The following PPARGC1A variants were observed in gnomAD, a reference collection of about 807,000 sequenced individuals.
The protein encoded by PPARGC1A is PPARG coactivator 1 alpha.
PPARGC1A carries 25 observed loss-of-function variants against 88.7 expected under a neutral mutation model. The ratio of observed to expected loss-of-function variants is 0.28; its 90% CI spans 0.21 to 0.39. The LOEUF (loss-of-function observed/expected upper bound fraction) is 0.39, where lower values mean the gene tolerates loss of function less well. Among genes scored for constraint, PPARGC1A ranks in the 10% least tolerant of loss-of-function variants. The pLI is 1.00. For synonymous variants in PPARGC1A, 363 were observed against 355.6 expected (o/e 1.02, Z -0.24); for missense variants, 880 against 968.7 (o/e 0.91, Z 1.22).
chr4:24,055,233 C>T, the PPARGC1A span, among the ~76,000 whole-genome samples: 2 of 152,330 alleles, frequency 1.3e-5, no homozygotes, highest in Admixed American at 6.5e-5. Context: ...TGTGAAACCA[C>T]AGTTCTGTTT....
the PPARGC1A span, among the ~76,000 whole-genome samples, chr4:24,175,037 A>T: frequency 1.3e-5 from 2 of 152,174 alleles, no homozygotes; most frequent in African/African-American, 4.8e-5. Context: ...CTAGTGTATA[A>T]CTTTCTAAAA....
the PPARGC1A span, among the ~76,000 whole-genome samples, chr4:23,982,241 T>C: frequency 3.2e-3 from 494 of 152,228 alleles, 2 homozygotes; most frequent in African/African-American, 0.011. Flanking sequence ...AAAAGAAAAG[T>C]TTGTTTCACA....
At chr4:23,907,758 C>T (rs548754231), upstream of PPARGC1A, among the ~76,000 whole-genome samples, 1 of 151,930 alleles carries the variant, frequency 6.6e-6, no homozygotes, top group Non-Finnish European at 1.5e-5. Context: ...CTTCAGTTAG[C>T]TTTCTGTTCT....
chr4:24,102,354 G>A, the PPARGC1A span, among the ~76,000 whole-genome samples: 1 of 151,922 alleles, frequency 6.6e-6, no homozygotes, highest in South Asian at 2.1e-4. Context: ...CAACAGTGAT[G>A]TCCACACAGA....
chr4:24,064,302 T>C, the PPARGC1A span, among the ~76,000 whole-genome samples: 3 of 152,194 alleles, frequency 2.0e-5, no homozygotes, highest in African/African-American at 7.2e-5. Flanking sequence ...AGTGGGTGCC[T>C]GTACACCCCT....
the PPARGC1A span, among the ~76,000 whole-genome samples, chr4:24,226,149 A>G: frequency 6.6e-6 from 1 of 152,112 alleles, no homozygotes; most frequent in Non-Finnish European, 1.5e-5. Context: ...GCCGCCTGAC[A>G]CTAAATACCA....
At chr4:24,294,620 A>G in the PPARGC1A span, among the ~76,000 whole-genome samples, 8 of 152,162 alleles carry the variant, frequency 5.3e-5, no homozygotes, top group Non-Finnish European at 8.8e-5. Flanking sequence ...GCTGTGGGTA[A>G]AGAATTATTA....
At chr4:24,111,018 T>G in the PPARGC1A span, among the ~76,000 whole-genome samples, 1 of 152,206 alleles carries the variant, frequency 6.6e-6, no homozygotes, top group African/African-American at 2.4e-5. Context: ...TTTTGATCAT[T>G]TCTTATTTTA....
At chr4:23,829,770 A>T in intron 3 of PPARGC1A, 185 bp from the exon 4 acceptor site, 1 of 446,006 alleles carries the variant, frequency 2.2e-6, no homozygotes, top group Non-Finnish European at 3.5e-6. Flanking sequence ...AGTAGAAAAA[A>T]GTTTGGCATT....
At chr4:24,154,554 C>G in the PPARGC1A span, among the ~76,000 whole-genome samples, 4 of 152,156 alleles carry the variant, frequency 2.6e-5, no homozygotes, top group Admixed American at 2.6e-4. Flanking sequence ...GCTAGCCAAC[C>G]CAATTTAAGA....
intron 10 of PPARGC1A, among the ~76,000 whole-genome samples, chr4:23,805,008 C>A (rs1560328445): frequency 6.6e-6 from 1 of 152,264 alleles, no homozygotes; most frequent in South Asian, 2.1e-4. Context: ...ACAGTAGAGA[C>A]CATATCTGTT....
chr4:23,910,111 ATGTG>A, the PPARGC1A span, among the ~76,000 whole-genome samples: 4 of 134,360 alleles, frequency 3.0e-5, no homozygotes, highest in South Asian at 6.6e-4. Context: ...ATATATGTAT[ATGTG>A]TGTGTATATA....
the PPARGC1A span, among the ~76,000 whole-genome samples, chr4:23,949,846 C>T: frequency 6.6e-6 from 1 of 152,146 alleles, no homozygotes; most frequent in Non-Finnish European, 1.5e-5. Context: ...CATTCAAATG[C>T]ATATTTTTCA....
chr4:23,919,557 AAAAAAG>A, the PPARGC1A span, among the ~76,000 whole-genome samples: 72 of 87,572 alleles, frequency 8.2e-4, no homozygotes, highest in East Asian at 0.015. Context: ...TAAAAAAAAA[AAAAAAG>A]AAGTGAATTG....
the PPARGC1A span, among the ~76,000 whole-genome samples, chr4:24,022,516 C>G: frequency 6.6e-6 from 1 of 152,140 alleles, no homozygotes; most frequent in Non-Finnish European, 1.5e-5. Flanking sequence ...TGACAGATTC[C>G]AAGCACCTAG....
chr4:24,123,953 A>G, the PPARGC1A span, among the ~76,000 whole-genome samples: 2 of 151,924 alleles, frequency 1.3e-5, no homozygotes, highest in African/African-American at 4.8e-5. Context: ...ACAGAATCAA[A>G]TTTGCATGTT....
At chr4:24,400,739 C>A in the PPARGC1A span, among the ~76,000 whole-genome samples, 1 of 152,044 alleles carries the variant, frequency 6.6e-6, no homozygotes, top group Non-Finnish European at 1.5e-5. Flanking sequence ...CCAGTCAAAG[C>A]GCTTAGCACC....
intron 2 of PPARGC1A, 32 bp from the exon 3 acceptor site, chr4:23,831,783 G>A (rs1002941069): frequency 5.1e-6 from 8 of 1,560,210 alleles, no homozygotes; most frequent in Admixed American, 1.7e-5. Context: ...GAAGATGTGA[G>A]TTGACCCTGG....
chr4:24,140,006 T>C, the PPARGC1A span, among the ~76,000 whole-genome samples: 1 of 152,048 alleles, frequency 6.6e-6, no homozygotes, highest in Non-Finnish European at 1.5e-5. Context: ...CTGTGACAAA[T>C]GGAAAAGTGC....
Sources: gnomAD v4.1 joint callset for allele counts (sites outside exome capture counted in the v4.1 genomes callset) on GRCh38, gnomAD v4.1.1 for gene constraint, MANE v1.5 for transcripts, NCBI Gene and HGNC (gene_info 2026-07-23, HGNC 2026-07-21) for gene names.